The following CHD2 variants were observed in gnomAD, a reference collection of about 807,000 sequenced individuals.
CHD2 encodes the protein ATP-dependent chromatin remodeler CHD2.
CHD2 carries 28 observed loss-of-function variants against 243.9 expected under a neutral mutation model. The observed-to-expected ratio is 0.11, with a 90% CI of 0.09 to 0.16. The LOEUF (loss-of-function observed/expected upper bound fraction) is 0.16, where lower values mean the gene tolerates loss of function less well. Among genes scored for constraint, CHD2 ranks in the 10% least tolerant of loss-of-function variants. The pLI, the probability that CHD2 is intolerant of heterozygous loss-of-function variation, is 1.00. For synonymous variants in CHD2, 775 were observed against 779.0 expected (o/e 0.99, Z 0.09); for missense variants, 1,386 against 2,209.8 (o/e 0.63, Z 7.47).
chr15:92,998,302 T>C lies in CHD2; in HGVS notation c.3886-197T>C. 1.7e-5 allele frequency: 23 copies of C among 1,318,522 alleles called. No homozygotes were observed. Among genetic ancestry groups the C allele is most frequent in the Non-Finnish European group, 2.3e-5 (23 of 1,017,862 alleles). The allele number at this position is 1,318,522 out of a possible 1,614,324, so 81.7% of individuals were successfully genotyped here. On this transcript the variant is annotated intron_variant, in intron 30 of 38. Transcript: ENST00000394196. The surrounding 1 kb of genome is among the most constrained non-coding windows in gnomAD (Gnocchi z 5.1). ...AGAGCTGGATTTCTCCATCCCATTTTGTAAAATGAGAACGGCTCGTGAGGG... is the reference window on the plus strand; with the variant it reads ...AGAGCTGGATTTCTCCATCCCATTTCGTAAAATGAGAACGGCTCGTGAGGG...
At chr15:93,002,401 G>T (rs1220311065) in intron 33 of CHD2, 84 bp downstream of exon 33, 1 of 1,540,034 alleles carries the variant, frequency 6.5e-7, no homozygotes, top group Non-Finnish European at 8.7e-7. Context: ...AGATTTGAGG[G>T]CCCTGGAATA....
intron 2 of CHD2, among the ~76,000 whole-genome samples, chr15:92,910,283 G>A (rs1164504735): frequency 1.3e-5 from 2 of 152,140 alleles, no homozygotes; most frequent in African/African-American, 4.8e-5. Context: ...TAATATGAAA[G>A]TCAGTATAGC....
chr15:92,927,772 A>G (rs1188158416), intron 4 of CHD2, among the ~76,000 whole-genome samples: 1 of 152,194 alleles, frequency 6.6e-6, no homozygotes, highest in Non-Finnish European at 1.5e-5. Flanking sequence ...TAATGTATCT[A>G]CTTTTATTTA....
intron 6 of CHD2, 140 bp from the exon 7 acceptor site, chr15:92,939,438 A>C: frequency 1.1e-6 from 1 of 892,052 alleles, no homozygotes; most frequent in Non-Finnish European, 1.7e-6. Flanking sequence ...GTAGGGCCCA[A>C]GAATATGCAT....
intron 34 of CHD2, among the ~76,000 whole-genome samples, chr15:93,007,989 C>T (rs566805656): frequency 1.4e-4 from 21 of 152,160 alleles, no homozygotes; most frequent in Non-Finnish European, 1.3e-4. Flanking sequence ...GAGTGGAGGA[C>T]GAAACATGTG....
At chr15:92,982,797 G>A (rs564125589) in intron 24 of CHD2, among the ~76,000 whole-genome samples, 2 of 152,192 alleles carry the variant, frequency 1.3e-5, no homozygotes, top group African/African-American at 4.8e-5. Context: ...GAGTGGGCCA[G>A]AGAGCCCTAG....
chr15:92,900,783 T>C lies in CHD2; in HGVS notation c.-113T>C, dbSNP rs1406607446. ...TATTTGGGATCTGATATTTTTCTAC[T>C]AGTAGATAGGACTCTTGGTTTGGAC... is the stretch of plus-strand genomic sequence containing the variant. On this transcript the variant is annotated 5_prime_UTR_variant, in exon 1 of 39. Coordinates refer to ENST00000394196, the MANE Select transcript of CHD2 (RefSeq NM_001271.4). The C allele has an allele frequency of 5.1e-6, 2 of 395,256 alleles. No homozygotes were observed. The highest frequency in any genetic ancestry group is 8.9e-6 in the Non-Finnish European group (2 of 224,832). The allele number at this position is 395,256 out of a possible 1,614,324, so 24.5% of individuals were successfully genotyped here.
At chr15:92,968,170 A>G (rs183418956) in intron 17 of CHD2, among the ~76,000 whole-genome samples, 14 of 152,200 alleles carry the variant, frequency 9.2e-5, no homozygotes, top group African/African-American at 2.6e-4. Context: ...AACTGAATTT[A>G]TGTTTTGTAG....
At chr15:93,015,930 A>G (rs1265025411) in intron 37 of CHD2, among the ~76,000 whole-genome samples, 1 of 152,242 alleles carries the variant, frequency 6.6e-6, no homozygotes, top group Admixed American at 6.5e-5. Context: ...TGCAGCCATT[A>G]TGGAAAACAA....
At chr15:93,010,706 G>A (rs933668235) in intron 35 of CHD2, among the ~76,000 whole-genome samples, 2 of 152,192 alleles carry the variant, frequency 1.3e-5, no homozygotes, top group African/African-American at 4.8e-5. Context: ...TTACAGGCAT[G>A]AGCCACTGCG....
At chr15:92,904,892 A>T in intron 2 of CHD2, 1 of 1,535,138 alleles carries the variant, frequency 6.5e-7, no homozygotes. Flanking sequence ...GACGGGTGTT[A>T]ACAGCTGTTT....
chr15:93,018,843 C>T (rs2054494891), intron 37 of CHD2, among the ~76,000 whole-genome samples: 2 of 152,296 alleles, frequency 1.3e-5, no homozygotes, highest in South Asian at 4.1e-4. Context: ...GAATTTGTAG[C>T]CCAACCTAAA....
intron 28 of CHD2, among the ~76,000 whole-genome samples, chr15:92,996,134 T>G (rs185836945): frequency 3.3e-4 from 50 of 151,342 alleles, no homozygotes; most frequent in Non-Finnish European, 6.8e-4. Context: ...ATCATTTTAA[T>G]TTGAAATTTG....
chr15:92,923,172 G>A (rs889684568), intron 2 of CHD2, among the ~76,000 whole-genome samples: 1 of 152,186 alleles, frequency 6.6e-6, no homozygotes, highest in Non-Finnish European at 1.5e-5. Flanking sequence ...CTCCTCAGAT[G>A]AGCCTAATTT....
chr15:92,904,679 A>G, intron 2 of CHD2: 1 of 1,339,124 alleles, frequency 7.5e-7, no homozygotes, highest in Non-Finnish European at 9.6e-7. Context: ...AAGTGCAGGC[A>G]CTATTTATAA....
chr15:92,997,030 C>G lies in CHD2; in HGVS notation c.3669C>G (p.Ile1223Met). 1 of 1,613,790 alleles carries G rather than the reference C, an allele frequency of 6.2e-7. No homozygotes were observed. Among genetic ancestry groups the G allele is most frequent in the Non-Finnish European group, 8.5e-7 (1 of 1,179,904 alleles). The change falls in exon 29 of 39, where the codon ATC becomes ATG. Residue 1223 changes from isoleucine to methionine, a missense_variant. This residue lies in a region of CHD2 where 99 missense variants were observed against 176.9 expected (regional missense o/e 0.56). Transcript: ENST00000394196. This position sits in a 1 kb window ranked among gnomAD's most constrained non-coding sequence, Gnocchi z 4.1. ...SGVQVNVKSIIQHEEEFEMLH... is the reference protein window; with the variant it reads ...SGVQVNVKSIMQHEEEFEMLH... ...TTCAGGTTAATGTGAAATCCATTAT[C>G]CAACATGAAGAGGAGTTTGAGATGC...
At chr15:92,934,712 C>T (rs897994885) in intron 5 of CHD2, among the ~76,000 whole-genome samples, 1 of 152,188 alleles carries the variant, frequency 6.6e-6, no homozygotes, top group Non-Finnish European at 1.5e-5. Context: ...TTCACAGTGA[C>T]TTAGTATTGC....
Position 92,997,237 on chromosome 15 carries a change from T to C in CHD2, c.3735-16T>C. 6.2e-7 allele frequency: 1 copy of C among 1,614,008 alleles called. No homozygotes were observed. Among genetic ancestry groups the C allele is most frequent in the South Asian group, 1.1e-5 (1 of 91,018 alleles). ...GCCCCTCTTCTAATGTCTTCCTGTT[T>C]TTAAACTTTCTTTAGATACTGCTTA... On this transcript the variant is annotated splice_polypyrimidine_tract_variant and intron_variant, in intron 29 of 38. Coordinates refer to ENST00000394196, the MANE Select transcript of CHD2 (RefSeq NM_001271.4). This position sits in a 1 kb window ranked among gnomAD's most constrained non-coding sequence, Gnocchi z 4.1.
chr15:92,909,186 G>C (rs923443726), intron 2 of CHD2, among the ~76,000 whole-genome samples: 3 of 151,786 alleles, frequency 2.0e-5, no homozygotes, highest in African/African-American at 7.3e-5. Context: ...TGAATTCCTT[G>C]TAAGTGTCTT....
Sources: allele counts gnomAD v4.1 joint callset (sites outside exome capture counted in the v4.1 genomes callset), GRCh38; gene constraint gnomAD v4.1.1; regional missense constraint gnomAD v4.1.1; non-coding constraint Gnocchi (gnomAD v3.1); transcripts MANE v1.5; gene names NCBI Gene and HGNC (gene_info 2026-07-23, HGNC 2026-07-21).